The following CNTN5 variants were observed in gnomAD, a reference collection of about 807,000 sequenced individuals.
CNTN5 encodes the protein contactin 5, also known as contactin-5.
A neutral mutation model predicts 129.1 loss-of-function variants in CNTN5; 77 were observed. The ratio of observed to expected loss-of-function variants is 0.60; its 90% CI spans 0.50 to 0.72. The LOEUF (loss-of-function observed/expected upper bound fraction) is 0.72, where lower values mean the gene tolerates loss of function less well. Among genes scored for constraint, CNTN5 ranks in the 30% least tolerant of loss-of-function variants. The pLI is 0.00. For synonymous variants in CNTN5, 509 were observed against 465.6 expected, an observed-to-expected ratio of 1.09 and a Z score of -1.20; for missense variants, 1,478 against 1,328.8, an observed-to-expected ratio of 1.11 and a Z score of -1.75.
At chr11:99,196,167 A>T (rs775218522) in intron 1 of CNTN5, among the ~76,000 whole-genome samples, 57 of 152,022 alleles carry the variant, frequency 3.7e-4, no homozygotes, top group Non-Finnish European at 6.8e-4. Flanking sequence ...TAAAAAAAAA[A>T]ATAGTGTGTT....
chr11:99,383,939 A>G (rs1940763147), intron 2 of CNTN5, among the ~76,000 whole-genome samples: 1 of 152,180 alleles, frequency 6.6e-6, no homozygotes, highest in Admixed American at 6.5e-5. Context: ...CTTTCACATA[A>G]AAGAAGAAAT....
At chr11:99,463,841 TTCC>T (rs1200248746) in intron 2 of CNTN5, among the ~76,000 whole-genome samples, 2 of 152,218 alleles carry the variant, frequency 1.3e-5, no homozygotes, top group East Asian at 3.8e-4. Context: ...AATTTTATGC[TTCC>T]TCTATTCAGA....
intron 2 of CNTN5, among the ~76,000 whole-genome samples, chr11:99,358,296 G>T (rs533732485): frequency 3.6e-4 from 42 of 115,508 alleles, no homozygotes; most frequent in South Asian, 8.7e-4. Context: ...GGGTTTCACC[G>T]TGTTAGCCAG....
intron 1 of CNTN5, among the ~76,000 whole-genome samples, chr11:99,131,966 G>A (rs186349802): frequency 2.7e-4 from 41 of 152,112 alleles, no homozygotes; most frequent in African/African-American, 8.9e-4. Context: ...ACTTCAGGCC[G>A]ACATCCCTGA....
intron 6 of CNTN5, among the ~76,000 whole-genome samples, chr11:99,862,296 G>C (rs1007609535): frequency 1.3e-5 from 2 of 152,032 alleles, no homozygotes; most frequent in Non-Finnish European, 2.9e-5. Context: ...TTGAAACTTT[G>C]TCCTTGCCCA....
intron 6 of CNTN5, among the ~76,000 whole-genome samples, chr11:99,861,513 T>C (rs1034826073): frequency 3.3e-5 from 5 of 152,208 alleles, no homozygotes; most frequent in Non-Finnish European, 5.9e-5. Context: ...TTTTTTCCAA[T>C]AATTCAAGCA....
chr11:99,467,954 G>C (rs1945011105), intron 2 of CNTN5, among the ~76,000 whole-genome samples: 1 of 151,918 alleles, frequency 6.6e-6, no homozygotes. Context: ...CTTCATTCCT[G>C]TTATATATAT....
intron 2 of CNTN5, among the ~76,000 whole-genome samples, chr11:99,531,128 GGATAT>G (rs1947688435): frequency 6.6e-6 from 1 of 152,130 alleles, no homozygotes; most frequent in Admixed American, 6.5e-5. Context: ...ATGCTGATAG[GGATAT>G]GGACAATAAG....
intron 6 of CNTN5, among the ~76,000 whole-genome samples, chr11:99,882,294 A>G (rs1948790800): frequency 6.6e-6 from 1 of 152,212 alleles, no homozygotes; most frequent in South Asian, 2.1e-4. Flanking sequence ...CATAAAAGAT[A>G]ACTATTGCTG....
chr11:99,915,230 A>G (rs1949757255), intron 6 of CNTN5, among the ~76,000 whole-genome samples: 2 of 152,088 alleles, frequency 1.3e-5, no homozygotes, highest in South Asian at 2.1e-4. Context: ...TATCCCAGGA[A>G]AAAGGAAAGG....
At chr11:99,260,732 A>T (rs951075439) in intron 1 of CNTN5, among the ~76,000 whole-genome samples, 3 of 151,938 alleles carry the variant, frequency 2.0e-5, no homozygotes, top group African/African-American at 7.2e-5. Flanking sequence ...TTATTCACAT[A>T]TTCCCAATTA....
chr11:99,213,470 G>A (rs1177117834), intron 1 of CNTN5, among the ~76,000 whole-genome samples: 1 of 141,184 alleles, frequency 7.1e-6, no homozygotes, highest in Non-Finnish European at 1.5e-5. Flanking sequence ...ATATACGTGT[G>A]TATATATACA....
Position 99,271,850 on chromosome 11 carries a change from A to G in CNTN5, c.-209-53496A>G, listed in dbSNP as rs1863186748. 4.6e-5 allele frequency among the ~76,000 whole-genome samples: 7 copies of G among 151,860 alleles called. No individual in the cohort carries two copies. The Admixed American group carries it at 4.6e-4, about 10-fold the overall frequency. ...CCTTGCCCAGACTGACTGATCCAAG[A>G]AAAAAGATAGAAGCCTCAATGTGTT... is the stretch of plus-strand genomic sequence containing the variant. On this transcript the variant is annotated intron_variant, in intron 1 of 24. Coordinates refer to ENST00000524871, the MANE Select transcript of CNTN5 (RefSeq NM_014361.4).
intron 7 of CNTN5, among the ~76,000 whole-genome samples, chr11:99,925,715 TG>T (rs1394314349): frequency 6.6e-6 from 1 of 151,956 alleles, no homozygotes; most frequent in Non-Finnish European, 1.5e-5. Context: ...TTTTGTTTTG[TG>T]GGTTTTTTTT....
intron 3 of CNTN5, among the ~76,000 whole-genome samples, chr11:99,556,666 T>C (rs947133737): frequency 2.2e-4 from 33 of 147,966 alleles, no homozygotes; most frequent in African/African-American, 7.1e-4. Flanking sequence ...AATAATTATG[T>C]ATTTTATAGC....
intron 13 of CNTN5, among the ~76,000 whole-genome samples, chr11:100,092,280 A>C (rs187064110): frequency 6.6e-6 from 1 of 152,292 alleles, no homozygotes; most frequent in African/African-American, 2.4e-5. Flanking sequence ...TAAATTAAAA[A>C]GAAACAGCAG....
intron 3 of CNTN5, among the ~76,000 whole-genome samples, chr11:99,656,011 C>T (rs1216244340): frequency 6.6e-6 from 1 of 151,808 alleles, no homozygotes. Context: ...TGTATTGTAG[C>T]ACCTCTGAAT....
intron 1 of CNTN5, among the ~76,000 whole-genome samples, chr11:99,165,952 A>T (rs1860845949): frequency 1.3e-5 from 2 of 152,230 alleles, no homozygotes; most frequent in African/African-American, 4.8e-5. Context: ...AGCATAATCC[A>T]CCTTTAAATT....
chr11:100,084,407 G>C (rs897356743), intron 13 of CNTN5, among the ~76,000 whole-genome samples: 5 of 152,226 alleles, frequency 3.3e-5, no homozygotes, highest in South Asian at 2.1e-4. Context: ...TAGAAAAAAA[G>C]CATTGTACGG....
Sources: allele counts gnomAD v4.1 joint callset (sites outside exome capture counted in the v4.1 genomes callset), GRCh38; gene constraint gnomAD v4.1.1; transcripts MANE v1.5; gene names NCBI Gene and HGNC (gene_info 2026-07-23, HGNC 2026-07-21).